EFNB3: variants seen among roughly 807,000 people sequenced by gnomAD.
The protein encoded by EFNB3 is ephrin-B3.
EFNB3 carries 14 observed loss-of-function variants against 29.8 expected under a neutral mutation model. That is an observed-to-expected ratio of 0.47 (90% CI 0.31 to 0.73). EFNB3 has a LOEUF of 0.73. Among genes scored for constraint, EFNB3 ranks in the 30% least tolerant of loss-of-function variants. The pLI is 0.05. For missense variants in EFNB3, 408 were observed against 458.0 expected (o/e 0.89, Z 1.00); for synonymous variants, 216 against 191.6 (o/e 1.13, Z -1.05).
Position 7,708,034 on chromosome 17 carries a change from C to A in EFNB3, c.199C>A (p.Pro67Thr). 6.2e-7 allele frequency: 1 copy of A among 1,614,062 alleles called. No individual in the cohort carries two copies. The highest frequency in any genetic ancestry group is 8.5e-7 in the Non-Finnish European group (1 of 1,180,000). ...AGACCTGCTCTGCCCCCGGGCCCGGCCTCCTGGCCCTCACTCCTCTCCTAA... is the reference window on the plus strand; with the variant it reads ...AGACCTGCTCTGCCCCCGGGCCCGGACTCCTGGCCCTCACTCCTCTCCTAA... ...RLDLLCPRAR[P>T]PGPHSSPNYE... The change falls in exon 2 of 5, where the codon CCT becomes ACT. Residue 67 changes from proline to threonine, a missense_variant. Pro to Thr is a conservative substitution (Grantham distance 38, BLOSUM62 -1). Around this residue, in one of 3 missense-constraint regions of EFNB3, gnomAD observed 128 missense variants for 140.8 expected, o/e 0.91. Transcript: ENST00000226091. The surrounding 1 kb of genome is among the most constrained non-coding windows in gnomAD (Gnocchi z 6.8).
chr17:7,705,682 C>T lies in EFNB3; in HGVS notation c.84C>T (p.Leu28=), dbSNP rs771096297. 1.3e-6 allele frequency: 2 copies of T among 1,541,176 alleles called. No individual in the cohort carries two copies. The highest frequency in any genetic ancestry group is 2.1e-5 in the Admixed American group (1 of 47,108). Reference sequence around the variant, plus strand: ...GGGTTTTGGGGCTGGTGTCTGGGCTCAGCCTGGAGCCTGTCTACTGGAACT... The same window carrying T: ...GGGTTTTGGGGCTGGTGTCTGGGCTTAGCCTGGAGCCTGTCTACTGGAACT... The part of the protein sequence containing the change: ...LLGVLGLVSG[L]SLEPVYWNSA... The change falls in exon 1 of 5, where the codon CTC becomes CTT. Residue 28 remains leucine (L), a synonymous_variant. Transcript: ENST00000226091. This position sits in a 1 kb window ranked among gnomAD's most constrained non-coding sequence, Gnocchi z 5.4.
In EFNB3 at chr17:7,708,399, G is replaced by C; in HGVS notation, c.416-36G>C. 1.2e-6 allele frequency: 2 copies of C among 1,602,334 alleles called. No individual in the cohort carries two copies. The highest frequency in any genetic ancestry group is 1.7e-6 in the Non-Finnish European group (2 of 1,174,188). On this transcript the variant is annotated intron_variant, in intron 2 of 4. Coordinates refer to ENST00000226091, the MANE Select transcript of EFNB3 (RefSeq NM_001406.4). The surrounding 1 kb of genome is among the most constrained non-coding windows in gnomAD (Gnocchi z 6.8). ...GGGCCAGAATCAGGGCTAGATTCTGGAGTGCCAACCTCTTCCTCTGGCTTT... is the reference window on the plus strand; with the variant it reads ...GGGCCAGAATCAGGGCTAGATTCTGCAGTGCCAACCTCTTCCTCTGGCTTT...
intron 1 of EFNB3, 117 bp from the exon 2 acceptor site, chr17:7,707,841 C>A: frequency 2.5e-6 from 3 of 1,184,026 alleles, no homozygotes; most frequent in Non-Finnish European, 3.6e-6. Context: ...CAGACAAAGG[C>A]GGGCAAGCGT....
Position 7,705,529 on chromosome 17 carries a change from A to C in EFNB3, c.-70A>C. 1 of 847,686 alleles carries C rather than the reference A, an allele frequency of 1.2e-6. No homozygotes were observed. Among genetic ancestry groups the C allele is most frequent in the Non-Finnish European group, 1.7e-6 (1 of 590,926 alleles). 52.5% of individuals were successfully genotyped at this position (847,686 alleles called of 1,614,324 possible). On this transcript the variant is annotated 5_prime_UTR_variant, in exon 1 of 5. Coordinates refer to ENST00000226091, the MANE Select transcript of EFNB3 (RefSeq NM_001406.4). The surrounding 1 kb of genome is among the most constrained non-coding windows in gnomAD (Gnocchi z 5.4). Reference sequence around the variant, plus strand: ...TCCGGGCTGAAGAGCCAGGCAGCCAAGGCAGCCACCCCGGGGGGTGGGCGA... The same window carrying C: ...TCCGGGCTGAAGAGCCAGGCAGCCACGGCAGCCACCCCGGGGGGTGGGCGA...
At chr17:7,707,384 C>T (rs977906943) in intron 1 of EFNB3, among the ~76,000 whole-genome samples, 3 of 152,192 alleles carry the variant, frequency 2.0e-5, no homozygotes, top group African/African-American at 7.2e-5. Flanking sequence ...CCATCAGCCC[C>T]AATGATGGTC....
In EFNB3 at chr17:7,709,820, C is replaced by T. The variant is rs2074343290; in HGVS notation, c.*244C>T. ...GTCTCAGTGTCCCTGGATCCTTTTT[C>T]CTTGGGGAGGGGCACAGGCTCAGCC... On this transcript the variant is annotated 3_prime_UTR_variant, in exon 5 of 5. Coordinates refer to ENST00000226091, the MANE Select transcript of EFNB3 (RefSeq NM_001406.4). This position sits in a 1 kb window ranked among gnomAD's most constrained non-coding sequence, Gnocchi z 4.5. 3.4e-6 allele frequency: 2 copies of T among 580,454 alleles called. No homozygotes were observed. The highest frequency in any genetic ancestry group is 6.1e-6 in the Non-Finnish European group (2 of 329,200). The allele number at this position is 580,454 out of a possible 1,614,324, so 36.0% of individuals were successfully genotyped here.
At chr17:7,707,845 C>T (rs977970705) in intron 1 of EFNB3, 113 bp from the exon 2 acceptor site, 2 of 1,241,008 alleles carry the variant, frequency 1.6e-6, no homozygotes, top group Middle Eastern at 2.8e-4. Context: ...CAAAGGCGGG[C>T]AAGCGTGAGC....
rs1411527541 is a variant in EFNB3, at chr17:7,709,986, C to T, written c.*410C>T. ...CTTCTCTATCTCTTATTCTTTCCCT[C>T]TCTTCCGTCTCTAGGTCTGTTCTTC... On this transcript the variant is annotated 3_prime_UTR_variant, in exon 5 of 5. Transcript: ENST00000226091. The surrounding 1 kb of genome is among the most constrained non-coding windows in gnomAD (Gnocchi z 4.5). The T allele has an allele frequency of 3.4e-6, 1 of 298,070 alleles. No homozygotes were observed. Among genetic ancestry groups the T allele is most frequent in the African/African-American group, 2.3e-5 (1 of 43,250 alleles). 18.5% of individuals were successfully genotyped at this position (298,070 alleles called of 1,614,324 possible). A position where few individuals can be genotyped will look rare whatever the true frequency, so the allele number is the denominator to read the frequency against.
Position 7,708,748 on chromosome 17 carries a change from C to G in EFNB3, c.613+9C>G, listed in dbSNP as rs145704491. ...GAAGGAGAACCTGCCAGGTAGGAACCAGGGGCTAGGCCCCTGCCTTCCCCA... is the reference window on the plus strand; with the variant it reads ...GAAGGAGAACCTGCCAGGTAGGAACGAGGGGCTAGGCCCCTGCCTTCCCCA... On this transcript the variant is annotated intron_variant, in intron 4 of 4. Transcript: ENST00000226091. This position sits in a 1 kb window ranked among gnomAD's most constrained non-coding sequence, Gnocchi z 6.8. 1.4e-5 allele frequency: 22 copies of G among 1,548,392 alleles called. No homozygotes were observed. In the South Asian group the frequency reaches 2.5e-4, roughly 18 times the overall value.
chr17:7,705,642 C>T lies in EFNB3; in HGVS notation c.44C>T (p.Ala15Val). Residue 15 changes from alanine (A) to valine (V), a missense_variant, in exon 1 of 5, where the codon GCC becomes GTC. By Grantham distance (64) the Ala-to-Val change is moderately conservative. Around this residue, in one of 3 missense-constraint regions of EFNB3, gnomAD observed 128 missense variants for 140.8 expected, o/e 0.91. Coordinates refer to ENST00000226091, the MANE Select transcript of EFNB3 (RefSeq NM_001406.4). This position sits in a 1 kb window ranked among gnomAD's most constrained non-coding sequence, Gnocchi z 5.4. Reference protein sequence around the residue: ...HSGPGGVRVGALLLLGVLGLV... With the variant: ...HSGPGGVRVGVLLLLGVLGLV... ...GGGCCGGGGGGCGTGCGAGTCGGGG[C>T]CCTGCTGCTGCTGGGGGTTTTGGGG... is the stretch of plus-strand genomic sequence containing the variant. 6.6e-7 allele frequency: 1 copy of T among 1,519,674 alleles called. No individual in the cohort carries two copies. The highest frequency in any genetic ancestry group is 8.7e-7 in the Non-Finnish European group (1 of 1,148,692). 94.1% of individuals were successfully genotyped at this position (1,519,674 alleles called of 1,614,324 possible).
intron 1 of EFNB3, among the ~76,000 whole-genome samples, chr17:7,707,192 G>T (rs1279483400): frequency 1.3e-5 from 2 of 152,166 alleles, no homozygotes; most frequent in Admixed American, 6.5e-5. Flanking sequence ...TTGTGGCTGT[G>T]CTGGGACAGT....
chr17:7,708,569 T>C lies in EFNB3; in HGVS notation c.508+42T>C. ...GACACCTCCTGGGCACGAAGGGACGTTGGGGCAGTACGATCATGGTTGGGG... is the reference window on the plus strand; with the variant it reads ...GACACCTCCTGGGCACGAAGGGACGCTGGGGCAGTACGATCATGGTTGGGG... On this transcript the variant is annotated intron_variant, in intron 3 of 4. Coordinates refer to ENST00000226091, the MANE Select transcript of EFNB3 (RefSeq NM_001406.4). This position sits in a 1 kb window ranked among gnomAD's most constrained non-coding sequence, Gnocchi z 6.8. 1.2e-6 allele frequency: 2 copies of C among 1,603,878 alleles called. No homozygotes were observed. Among genetic ancestry groups the C allele is most frequent in the South Asian group, 1.1e-5 (1 of 89,486 alleles).
Position 7,708,153 on chromosome 17 carries a change from C to T in EFNB3, c.318C>T (p.Arg106=), listed in dbSNP as rs1274664315. 1.2e-6 allele frequency: 2 copies of T among 1,614,028 alleles called. No homozygotes were observed. Among genetic ancestry groups the T allele is most frequent in the Admixed American group, 3.3e-5 (2 of 60,020 alleles). ...CAAACCTCCTTCTCACTTGTGATCG[C>T]CCAGACCTGGATCTCCGCTTCACCA... The part of the protein sequence containing the change: ...PAPNLLLTCD[R]PDLDLRFTIK... Residue 106 remains arginine (R), a synonymous_variant, in exon 2 of 5, where the codon CGC becomes CGT. Coordinates refer to ENST00000226091, the MANE Select transcript of EFNB3 (RefSeq NM_001406.4). The surrounding 1 kb of genome is among the most constrained non-coding windows in gnomAD (Gnocchi z 6.8).
In EFNB3 at chr17:7,709,140, TTTCCTCC is replaced by T. The variant is rs1338347760; in HGVS notation, c.614-23_614-17del. ...GTGGCTCCTTCAGTCCCTCCCCCTCTTTCCTCCTTCACCCCTTCCCTGCCAGGTGACC... is the reference window on the plus strand; with the variant it reads ...GTGGCTCCTTCAGTCCCTCCCCCTCTTTCACCCCTTCCCTGCCAGGTGACC... On this transcript the variant is annotated intron_variant, in intron 4 of 4. Transcript: ENST00000226091. The surrounding 1 kb of genome is among the most constrained non-coding windows in gnomAD (Gnocchi z 4.5). The T allele has an allele frequency of 6.3e-7, 1 of 1,590,136 alleles. No homozygotes were observed. The highest frequency in any genetic ancestry group is 8.5e-7 in the Non-Finnish European group (1 of 1,175,960).
Position 7,705,793 on chromosome 17 carries a change from G to A in EFNB3, c.122+73G>A. The A allele has an allele frequency of 6.0e-6, 9 of 1,495,662 alleles. No homozygotes were observed. The highest frequency in any genetic ancestry group is 7.0e-6 in the Non-Finnish European group (8 of 1,135,898). The allele number at this position is 1,495,662 out of a possible 1,614,324, so 92.6% of individuals were successfully genotyped here. ...AGGGAAGCTCTGGGGGCTTGGAGGC[G>A]GGCTTCTGTGGGCAGGGAGGAGGCG... On this transcript the variant is annotated intron_variant, in intron 1 of 4. Coordinates refer to ENST00000226091, the MANE Select transcript of EFNB3 (RefSeq NM_001406.4). The surrounding 1 kb of genome is among the most constrained non-coding windows in gnomAD (Gnocchi z 5.4).
rs80028739 is a variant in EFNB3 at position 7,707,172 on chromosome 17, G to A, written c.123-786G>A. Among the ~76,000 whole-genome samples, 1,036 of 152,284 alleles carry A rather than the reference G, an allele frequency of 6.8e-3. 13 individuals are homozygous for A. The highest frequency in any genetic ancestry group is 0.02 in the Middle Eastern group (6 of 294). ...TTGATGTCCAGGAAGGGGCTGCAGGGGTTGGCAAGTTGTGGCTGTGCTGGG... is the reference window on the plus strand; with the variant it reads ...TTGATGTCCAGGAAGGGGCTGCAGGAGTTGGCAAGTTGTGGCTGTGCTGGG... On this transcript the variant is annotated intron_variant, in intron 1 of 4. Transcript: ENST00000226091.
chr17:7,708,748 C>T lies in EFNB3; in HGVS notation c.613+9C>T, dbSNP rs145704491. 1.9e-6 allele frequency: 3 copies of T among 1,548,392 alleles called. No homozygotes were observed. Among genetic ancestry groups the T allele is most frequent in the South Asian group, 2.4e-5 (2 of 83,540 alleles). On this transcript the variant is annotated intron_variant, in intron 4 of 4. Transcript: ENST00000226091. This position sits in a 1 kb window ranked among gnomAD's most constrained non-coding sequence, Gnocchi z 6.8. ...GAAGGAGAACCTGCCAGGTAGGAAC[C>T]AGGGGCTAGGCCCCTGCCTTCCCCA...
At position 7,708,084 on chromosome 17, in the gene EFNB3, G is replaced by C. The variant is rs770364865; in HGVS notation, c.249G>C (p.Leu83=). ...SPNYEFYKLY[L]VGGAQGRRCE... is the part of the protein sequence containing the mutation. Reference sequence around the variant, plus strand: ...ATTATGAGTTCTACAAGCTGTACCTGGTAGGGGGTGCTCAGGGCCGGCGCT... The same window carrying C: ...ATTATGAGTTCTACAAGCTGTACCTCGTAGGGGGTGCTCAGGGCCGGCGCT... Residue 83 remains leucine (L), a synonymous_variant, in exon 2 of 5, where the codon CTG becomes CTC. Transcript: ENST00000226091. The surrounding 1 kb of genome is among the most constrained non-coding windows in gnomAD (Gnocchi z 6.8). 6.8e-6 allele frequency: 11 copies of C among 1,614,090 alleles called. No individual in the cohort carries two copies. The highest frequency in any genetic ancestry group is 1.1e-5 in the South Asian group (1 of 91,082).
At position 7,708,369 on chromosome 17, in the gene EFNB3, G is replaced by C. The variant is rs962605727; in HGVS notation, c.416-66G>C. 6.3e-7 allele frequency: 1 copy of C among 1,589,884 alleles called. No individual in the cohort carries two copies. The highest frequency in any genetic ancestry group is 1.3e-5 in the African/African-American group (1 of 74,684). ...GCCCTCAGGCAGTGTTCACACCAGG[G>C]TGTGGGGCCAGAATCAGGGCTAGAT... is the stretch of plus-strand genomic sequence containing the variant. On this transcript the variant is annotated intron_variant, in intron 2 of 4. Coordinates refer to ENST00000226091, the MANE Select transcript of EFNB3 (RefSeq NM_001406.4). This position sits in a 1 kb window ranked among gnomAD's most constrained non-coding sequence, Gnocchi z 6.8.
Sources: allele counts gnomAD v4.1 joint callset (sites outside exome capture counted in the v4.1 genomes callset), GRCh38; gene constraint gnomAD v4.1.1; regional missense constraint gnomAD v4.1.1; non-coding constraint Gnocchi (gnomAD v3.1); transcripts MANE v1.5; gene names NCBI Gene and HGNC (gene_info 2026-07-23, HGNC 2026-07-21).